Variants in METTL2A observed in about 807,000 individuals in gnomAD.
METTL2A encodes the protein methyltransferase 2A, tRNA N3-cytidine.
In METTL2A, 45 loss-of-function variants were observed where a neutral mutation model predicts 49.4. The ratio of observed to expected loss-of-function variants is 0.91; its 90% CI spans 0.72 to 1.17. METTL2A has a LOEUF of 1.17. Ranked by LOEUF, METTL2A falls within the 50% of genes most tolerant of loss-of-function variation. The pLI is 0.00. For synonymous variants in METTL2A, 118 were observed against 167.5 expected, an observed-to-expected ratio of 0.70 and a Z score of 2.28; for missense variants, 361 against 462.2, an observed-to-expected ratio of 0.78 and a Z score of 2.01.
rs1400804433 is a variant in METTL2A, at chr17:62,451,682, G to A, written c.*2953G>A. Among the ~76,000 whole-genome samples the A allele has an allele frequency of 7.3e-5, 11 of 151,596 alleles. No homozygotes were observed. Among genetic ancestry groups the A allele is most frequent in the African/African-American group, 2.7e-4 (11 of 41,412 alleles). On this transcript the variant is annotated 3_prime_UTR_variant, in exon 9 of 9. Coordinates refer to ENST00000311506, the MANE Select transcript of METTL2A (RefSeq NM_181725.4). ...CAAGGTAGGTGGATCACCTGAGGTC[G>A]GGAGTTGGAGACCAGCCTGACCAAC... is the stretch of plus-strand genomic sequence containing the variant.
chr17:62,427,268 G>A (rs2070634441), intron 3 of METTL2A, among the ~76,000 whole-genome samples: 1 of 152,208 alleles, frequency 6.6e-6, no homozygotes, highest in South Asian at 2.1e-4. Context: ...TCTCTGAGCA[G>A]TGAGACTGCT....
chr17:62,425,543 C>A (rs112337116), intron 2 of METTL2A, among the ~76,000 whole-genome samples: 1 of 149,692 alleles, frequency 6.7e-6, no homozygotes, highest in South Asian at 2.1e-4. Context: ...TGCACCACCA[C>A]GCCTGGCTAA....
chr17:62,424,279 C>G lies in METTL2A; in HGVS notation c.171C>G (p.Asn57Lys), dbSNP rs1254411771. Residue 57 changes from asparagine (N) to lysine (K), a missense_variant, in exon 2 of 9, where the codon AAC becomes AAG. Asn to Lys is a moderately conservative substitution (Grantham distance 94). Around this residue, in one of 3 missense-constraint regions of METTL2A, gnomAD observed 150 missense variants for 170.1 expected, o/e 0.88. Coordinates refer to ENST00000311506, the MANE Select transcript of METTL2A (RefSeq NM_181725.4). ...AAAAERKVQENSIQRVCQEKQ... is the reference protein window; with the variant it reads ...AAAAERKVQEKSIQRVCQEKQ... Reference sequence around the variant, plus strand: ...CGGCGGAGAGAAAAGTCCAGGAGAACAGTATCCAGCGGGTGTGCCAGGAGA... The same window carrying G: ...CGGCGGAGAGAAAAGTCCAGGAGAAGAGTATCCAGCGGGTGTGCCAGGAGA... 6.2e-7 allele frequency: 1 copy of G among 1,613,876 alleles called. No homozygotes were observed. Among genetic ancestry groups the G allele is most frequent in the East Asian group, 2.2e-5 (1 of 44,882 alleles).
intron 7 of METTL2A, among the ~76,000 whole-genome samples, chr17:62,445,657 C>T (rs978753109): frequency 2.0e-5 from 3 of 152,020 alleles, no homozygotes; most frequent in Admixed American, 6.6e-5. Context: ...ATTAGCTGGG[C>T]ATGGTGGCGC....
intron 6 of METTL2A, among the ~76,000 whole-genome samples, chr17:62,443,692 C>T (rs1378550046): frequency 2.0e-5 from 3 of 151,946 alleles, no homozygotes; most frequent in East Asian, 3.9e-4. Context: ...CAGGTTCAAG[C>T]GATTCTCCTG....
Position 62,426,207 on chromosome 17 carries a change from A to G in METTL2A, c.203-92A>G, listed in dbSNP as rs572474051. ...CTACCTGAGGATACTTTTAGTATTA[A>G]AGTGACATTTGGTAAAGCAGGATAA... On this transcript the variant is annotated intron_variant, in intron 2 of 8. Coordinates refer to ENST00000311506, the MANE Select transcript of METTL2A (RefSeq NM_181725.4). The G allele has an allele frequency of 2.5e-5, 32 of 1,282,794 alleles. No homozygotes were observed. The Middle Eastern group carries it at 7.7e-4, about 31-fold the overall frequency. The allele number at this position is 1,282,794 out of a possible 1,614,324, so 79.5% of individuals were successfully genotyped here.
intron 7 of METTL2A, 42 bp downstream of exon 7, chr17:62,444,985 C>T: frequency 6.2e-7 from 1 of 1,601,056 alleles, no homozygotes; most frequent in Non-Finnish European, 8.5e-7. Context: ...GAGATCATGT[C>T]CTTTGCAGGG....
At chr17:62,448,517 T>C (rs1333861538) in intron 8 of METTL2A, 58 bp from the exon 9 acceptor site, 3 of 1,597,356 alleles carry the variant, frequency 1.9e-6, no homozygotes, top group African/African-American at 2.7e-5. Flanking sequence ...ACTTAGTAGA[T>C]AAAAATGCCT....
At chr17:62,447,793 A>T in intron 8 of METTL2A, 27 bp downstream of exon 8, 1 of 1,613,058 alleles carries the variant, frequency 6.2e-7, no homozygotes, top group Non-Finnish European at 8.5e-7. Context: ...TTTTTACACT[A>T]AAAGTCCCCA....
intron 2 of METTL2A, among the ~76,000 whole-genome samples, 171 bp downstream of exon 2, chr17:62,424,481 A>G (rs2070609432): frequency 2.0e-5 from 3 of 152,146 alleles, no homozygotes; most frequent in African/African-American, 7.2e-5. Flanking sequence ...AAAGGGCTGC[A>G]TTGTAACAAA....
chr17:62,430,979 C>A (rs1309086249), intron 4 of METTL2A, among the ~76,000 whole-genome samples: 1 of 152,216 alleles, frequency 6.6e-6, no homozygotes, highest in Admixed American at 6.5e-5. Flanking sequence ...AATTCTCCTG[C>A]CTCAGCCTCC....
In METTL2A at chr17:62,432,475, C is replaced by T. The variant is rs539792088; in HGVS notation, c.609-2757C>T. Among the ~76,000 whole-genome samples the T allele has an allele frequency of 5.3e-5, 8 of 152,126 alleles. No individual in the cohort carries two copies. The South Asian group carries it at 1.7e-3, about 32-fold the overall frequency. ...CCTGAGCCCAGGAGTTCAGGACGAG[C>T]CTGAGCAACATAGTGAGACCCTGTC... On this transcript the variant is annotated intron_variant, in intron 4 of 8. Transcript: ENST00000311506.
intron 5 of METTL2A, among the ~76,000 whole-genome samples, chr17:62,436,602 T>G (rs1490647537): frequency 6.6e-6 from 1 of 152,180 alleles, no homozygotes; most frequent in East Asian, 1.9e-4. Context: ...AACATGTTAA[T>G]AATCATCTAA....
intron 4 of METTL2A, among the ~76,000 whole-genome samples, chr17:62,433,801 C>T (rs1318890006): frequency 6.6e-6 from 1 of 151,874 alleles, no homozygotes; most frequent in Non-Finnish European, 1.5e-5. Flanking sequence ...GTGGCTCACC[C>T]CTGAAATTCC....
chr17:62,446,137 G>A (rs2070766911), intron 7 of METTL2A, among the ~76,000 whole-genome samples: 1 of 152,164 alleles, frequency 6.6e-6, no homozygotes, highest in Admixed American at 6.5e-5. Context: ...CTTCATTACT[G>A]GTAGAAAAAG....
chr17:62,440,873 A>G (rs2144151005), intron 6 of METTL2A, 117 bp downstream of exon 6: 1 of 1,319,904 alleles, frequency 7.6e-7, no homozygotes, highest in Non-Finnish European at 1.0e-6. Context: ...TGGCACGATC[A>G]TGGCTCACTG....
intron 6 of METTL2A, among the ~76,000 whole-genome samples, chr17:62,440,972 A>T (rs2070735646): frequency 6.6e-6 from 1 of 152,034 alleles, no homozygotes; most frequent in African/African-American, 2.4e-5. Flanking sequence ...GTCCTGGCCA[A>T]TTTTTGTGTT....
intron 4 of METTL2A, among the ~76,000 whole-genome samples, 152 bp downstream of exon 4, chr17:62,427,989 A>C (rs2070639517): frequency 6.6e-6 from 1 of 151,836 alleles, no homozygotes; most frequent in African/African-American, 2.4e-5. Flanking sequence ...GCAATGTAGC[A>C]AGAAAAAAAA....
intron 5 of METTL2A, among the ~76,000 whole-genome samples, chr17:62,436,926 A>C (rs2070704145): frequency 6.6e-6 from 1 of 152,144 alleles, no homozygotes; most frequent in African/African-American, 2.4e-5. Flanking sequence ...CAAAACAAAA[A>C]ACCTTTCTTG....
Sources: gnomAD v4.1 joint callset for allele counts (sites outside exome capture counted in the v4.1 genomes callset) on GRCh38, gnomAD v4.1.1 for gene constraint, gnomAD v4.1.1 regional missense constraint, MANE v1.5 for transcripts, NCBI Gene and HGNC (gene_info 2026-07-23, HGNC 2026-07-21) for gene names.